The following PSME3IP1 variants were observed in gnomAD, a reference collection of about 807,000 sequenced individuals.
PSME3IP1 encodes the protein proteasome activator subunit 3 interacting protein 1.
In PSME3IP1, 13 loss-of-function variants were observed where a neutral mutation model predicts 34.1. The observed-to-expected ratio is 0.38, with a 90% confidence interval of 0.25 to 0.61. The LOEUF is 0.61. PSME3IP1 is among the 20% of genes least tolerant of loss of function. PSME3IP1 has a pLI of 0.60. For missense variants in PSME3IP1, 237 were observed against 301.4 expected (o/e 0.79, Z 1.58); for synonymous variants, 93 against 114.3 (o/e 0.81, Z 1.19).
At chr16:57,162,931 G>A (rs532109263) in intron 6 of PSME3IP1, among the ~76,000 whole-genome samples, 7 of 152,190 alleles carry the variant, frequency 4.6e-5, no homozygotes, top group South Asian at 2.1e-4. Context: ...TTGGGAGGCC[G>A]AGGCAGGCAG....
At chr16:57,170,013 T>C (rs1214852256) in intron 4 of PSME3IP1, among the ~76,000 whole-genome samples, 2 of 151,202 alleles carry the variant, frequency 1.3e-5, no homozygotes, top group Admixed American at 6.6e-5. Flanking sequence ...GGTCTTTTCC[T>C]ACCAGTTCTG....
chr16:57,174,356 A>G (rs1271653493), intron 1 of PSME3IP1: 6 of 784,254 alleles, frequency 7.7e-6, no homozygotes, highest in Non-Finnish European at 9.3e-6. Flanking sequence ...ACATGAATAC[A>G]TTTTTCCTGA....
intron 4 of PSME3IP1, 112 bp from the exon 5 acceptor site, chr16:57,167,338 C>T: frequency 8.4e-7 from 1 of 1,188,644 alleles, no homozygotes; most frequent in South Asian, 1.3e-5. Context: ...AATAAATGCC[C>T]CACCCTTCTT....
At chr16:57,174,024 G>A (rs1400082334) in intron 1 of PSME3IP1, 155 bp from the exon 2 acceptor site, 10 of 725,914 alleles carry the variant, frequency 1.4e-5, no homozygotes, top group South Asian at 7.6e-5. Flanking sequence ...GGCCGGGTGC[G>A]GTGGCTCATG....
At chr16:57,176,857 A>G (rs1212483216) in intron 1 of PSME3IP1, among the ~76,000 whole-genome samples, 2 of 151,902 alleles carry the variant, frequency 1.3e-5, no homozygotes, top group African/African-American at 4.8e-5. Context: ...TTATATATAT[A>G]TAATTTTTTT....
At chr16:57,173,707 A>G in intron 2 of PSME3IP1, 21 bp downstream of exon 2, 1 of 1,613,076 alleles carries the variant, frequency 6.2e-7, no homozygotes, top group South Asian at 1.1e-5. Flanking sequence ...AAAGACCATT[A>G]TACTGACTGT....
intron 6 of PSME3IP1, among the ~76,000 whole-genome samples, chr16:57,160,057 G>A (rs2071035879): frequency 2.0e-5 from 3 of 152,084 alleles, no homozygotes; most frequent in African/African-American, 7.2e-5. Flanking sequence ...TTGGGAGGCC[G>A]AGGCGGGTGG....
chr16:57,154,206 T>G lies in PSME3IP1; in HGVS notation c.*84A>C. On this transcript the variant is annotated 3_prime_UTR_variant, in exon 7 of 7. Transcript: ENST00000309137. The surrounding 1 kb of genome is among the most constrained non-coding windows in gnomAD (Gnocchi z 4.0). ...CACAGGATGCAGGCAAAGGAGTTTTTTTTTGAGGGACATAATGCCTATAGG... is the reference window on the plus strand; with the variant it reads ...CACAGGATGCAGGCAAAGGAGTTTTGTTTTGAGGGACATAATGCCTATAGG... The G allele has an allele frequency of 8.3e-7, 1 of 1,198,840 alleles. No homozygotes were observed. Among genetic ancestry groups the G allele is most frequent in the Non-Finnish European group, 1.2e-6 (1 of 836,434 alleles). 74.3% of individuals were successfully genotyped at this position (1,198,840 alleles called of 1,614,324 possible).
At chr16:57,167,629 T>G (rs2072051843) in intron 4 of PSME3IP1, among the ~76,000 whole-genome samples, 1 of 152,222 alleles carries the variant, frequency 6.6e-6, no homozygotes, top group Non-Finnish European at 1.5e-5. Context: ...TTTTGCAGAA[T>G]GTTGTTCTGA....
At chr16:57,168,693 G>C (rs111336948) in intron 4 of PSME3IP1, among the ~76,000 whole-genome samples, 2,731 of 150,288 alleles carry the variant, frequency 0.018, 92 homozygotes, top group African/African-American at 0.064. Context: ...ATCCCAGCTA[G>C]TCGGGAGGCT....
intron 4 of PSME3IP1, among the ~76,000 whole-genome samples, chr16:57,171,279 G>A (rs2072554702): frequency 6.6e-6 from 1 of 152,168 alleles, no homozygotes; most frequent in African/African-American, 2.4e-5. Flanking sequence ...AAGAAGGCCA[G>A]CAGGCTGCAG....
chr16:57,174,043 C>T, intron 1 of PSME3IP1, 174 bp from the exon 2 acceptor site: 1 of 612,624 alleles, frequency 1.6e-6, no homozygotes, highest in South Asian at 2.0e-5. Context: ...TGCCTGTAAT[C>T]CTGGCACTTT....
rs2070087429 is a variant in PSME3IP1, at chr16:57,152,810, G to A, written c.*1480C>T. ...TAGCACAGAGTAGTTCTGAAAAGGA[G>A]GAAGAATTCACAAAGCATCAGTTAT... is the stretch of plus-strand genomic sequence containing the variant. On this transcript the variant is annotated 3_prime_UTR_variant, in exon 7 of 7. Transcript: ENST00000309137. 1 of 152,660 alleles carries A rather than the reference G, an allele frequency of 6.6e-6. No individual in the cohort carries two copies. The highest frequency in any genetic ancestry group is 1.5e-5 in the Non-Finnish European group (1 of 68,066). 9.5% of individuals were successfully genotyped at this position (152,660 alleles called of 1,614,324 possible).
chr16:57,171,378 G>A (rs1416679672), intron 4 of PSME3IP1, among the ~76,000 whole-genome samples: 1 of 152,202 alleles, frequency 6.6e-6, no homozygotes, highest in East Asian at 1.9e-4. Flanking sequence ...GCCTGATACA[G>A]AGTAAGACTT....
chr16:57,173,772 C>T lies in PSME3IP1; in HGVS notation c.83G>A (p.Arg28Lys). 6.2e-7 allele frequency: 1 copy of T among 1,614,076 alleles called. No homozygotes were observed. The highest frequency in any genetic ancestry group is 8.5e-7 in the Non-Finnish European group (1 of 1,180,018). The change falls in exon 2 of 7, where the codon AGG (arginine) becomes AAG (lysine). Residue 28 changes from arginine to lysine, a missense_variant. Arg to Lys is a conservative substitution (Grantham distance 26). Coordinates refer to ENST00000309137, the MANE Select transcript of PSME3IP1 (RefSeq NM_024946.4). Reference protein sequence around the residue: ...EAELDERRKRRQEEWEKVRKP... With the variant: ...EAELDERRKRKQEEWEKVRKP... Reference sequence around the variant, plus strand: ...TCGAACTTTCTCCCATTCTTCTTGCCTCCTTTTGCGCCGTTCATCTAGTTC... The same window carrying T: ...TCGAACTTTCTCCCATTCTTCTTGCTTCCTTTTGCGCCGTTCATCTAGTTC...
intron 1 of PSME3IP1, chr16:57,174,274 A>G (rs2072957405): frequency 3.8e-6 from 1 of 260,578 alleles, no homozygotes; most frequent in Non-Finnish European, 6.0e-6. Context: ...AGCTTGAGCG[A>G]CAGGGCAAGA....
chr16:57,172,748 C>T (rs1426210586), intron 3 of PSME3IP1, 28 bp downstream of exon 3: 1 of 1,526,380 alleles, frequency 6.6e-7, no homozygotes, highest in Admixed American at 1.7e-5. Flanking sequence ...CACAGAGCCC[C>T]TTGAACTCTC....
chr16:57,172,989 A>C, intron 2 of PSME3IP1, 115 bp from the exon 3 acceptor site: 1 of 721,156 alleles, frequency 1.4e-6, no homozygotes, highest in Middle Eastern at 2.4e-4. Flanking sequence ...AAGTCTCTGC[A>C]TGATCTGAGG....
At chr16:57,164,297 A>G (rs1285882395) in intron 5 of PSME3IP1, among the ~76,000 whole-genome samples, 10 of 152,256 alleles carry the variant, frequency 6.6e-5, no homozygotes, top group Admixed American at 6.5e-4. Flanking sequence ...GCACTGTATC[A>G]ACCATCACTT....
Sources: allele counts gnomAD v4.1 joint callset (sites outside exome capture counted in the v4.1 genomes callset), GRCh38; gene constraint gnomAD v4.1.1; non-coding constraint Gnocchi (gnomAD v3.1); transcripts MANE v1.5; gene names NCBI Gene and HGNC (gene_info 2026-07-23, HGNC 2026-07-21).